The following NUP210 variants were observed in gnomAD, a reference collection of about 807,000 sequenced individuals.
The protein encoded by NUP210 is nucleoporin 210.
NUP210 carries 151 observed loss-of-function variants against 196.0 expected under a neutral mutation model. That is an observed-to-expected ratio of 0.77 (90% CI 0.67 to 0.88). NUP210 has a LOEUF of 0.88. Ranked by LOEUF, NUP210 falls within the 40% of genes least tolerant of loss-of-function variation. The pLI, the probability that NUP210 is intolerant of heterozygous loss-of-function variation, is 0.00. For missense variants in NUP210, 2,314 were observed against 2,493.7 expected (o/e 0.93, Z 1.53); for synonymous variants, 1,070 against 1,052.7 (o/e 1.02, Z -0.32).
At chr3:13,332,243 T>A (rs775215063) in intron 29 of NUP210, 50 bp downstream of exon 29, 2 of 1,469,494 alleles carry the variant, frequency 1.4e-6, no homozygotes, top group Non-Finnish European at 1.9e-6. Flanking sequence ...AGGTGTCGGA[T>A]GCAAGCACAG....
chr3:13,413,140 C>T (rs1273250610), intron 1 of NUP210, among the ~76,000 whole-genome samples: 2 of 151,834 alleles, frequency 1.3e-5, no homozygotes, highest in South Asian at 2.1e-4. Flanking sequence ...TGGCACATGC[C>T]GGTAGCCCCA....
At chr3:13,388,484 T>C (rs761126195) in intron 4 of NUP210, 31 bp from the exon 5 acceptor site, 14 of 1,577,004 alleles carry the variant, frequency 8.9e-6, no homozygotes, top group Non-Finnish European at 1.1e-5. Flanking sequence ...CAAAGTTTGT[T>C]GATCAAACCC....
At chr3:13,322,066 T>C in intron 35 of NUP210, 127 bp downstream of exon 35, 1 of 1,272,964 alleles carries the variant, frequency 7.9e-7, no homozygotes, top group Non-Finnish European at 1.1e-6. Context: ...ATCCCCAGGC[T>C]GGGCTCCTGA....
At chr3:13,349,312 G>A (rs1697883548) in intron 20 of NUP210, among the ~76,000 whole-genome samples, 1 of 152,186 alleles carries the variant, frequency 6.6e-6, no homozygotes, top group Non-Finnish European at 1.5e-5. Context: ...CCTAGGAGGG[G>A]CAGGATGTCA....
intron 1 of NUP210, among the ~76,000 whole-genome samples, chr3:13,401,425 G>A (rs1389040245): frequency 6.6e-6 from 1 of 152,134 alleles, no homozygotes; most frequent in East Asian, 1.9e-4. Flanking sequence ...ACAATGGGCT[G>A]CGGCAGGAGG....
chr3:13,401,259 C>CAAAAAAAAAAAAAAAA (rs71066952), intron 1 of NUP210, among the ~76,000 whole-genome samples: 3,903 of 43,610 alleles, frequency 0.089, 907 homozygotes, highest in Middle Eastern at 0.12. Flanking sequence ...GACTCTGGCT[C>CAAAAAAAAAAAAAAAA]AAAAAAAAAA....
At chr3:13,362,857 G>C (rs1386129989) in intron 14 of NUP210, among the ~76,000 whole-genome samples, 1 of 152,106 alleles carries the variant, frequency 6.6e-6, no homozygotes, top group Non-Finnish European at 1.5e-5. Context: ...GCCTCTGCCT[G>C]AGCGTCACCT....
intron 6 of NUP210, among the ~76,000 whole-genome samples, chr3:13,380,433 T>C (rs1236410821): frequency 6.6e-6 from 1 of 152,152 alleles, no homozygotes; most frequent in African/African-American, 2.4e-5. Context: ...TCAATAGCCC[T>C]GGGAACACGC....
In NUP210 at chr3:13,360,438, C is replaced by T; in HGVS notation, c.1986G>A (p.Met662Ile). 6.2e-7 allele frequency: 1 copy of T among 1,613,772 alleles called. No homozygotes were observed. The highest frequency in any genetic ancestry group is 8.5e-7 in the Non-Finnish European group (1 of 1,179,892). ...AAGGTCTGGGACCTCCTTCAAACAGCATCTCCTTTGAGGAGCCCAGGGTTA... is the reference window on the plus strand; with the variant it reads ...AAGGTCTGGGACCTCCTTCAAACAGTATCTCCTTTGAGGAGCCCAGGGTTA... ...ALVTLGSSKE[M>I]LFEGGPRPWI... Residue 662 changes from methionine (M) to isoleucine (I), a missense_variant, in exon 15 of 40, where the codon ATG (methionine) becomes ATA (isoleucine). Met to Ile is a conservative substitution (Grantham distance 10). Coordinates refer to ENST00000254508, the MANE Select transcript of NUP210 (RefSeq NM_024923.4).
rs147038229 is a variant in NUP210 at position 13,336,863 on chromosome 3, T to C, written c.3608A>G (p.Asn1203Ser). Reference sequence around the variant, plus strand: ...GTGGAAGGTCAGGCCTGGCACGGCATTGCCAAAGGAGAAAGGGTTCTGGTG... The same window carrying C: ...GTGGAAGGTCAGGCCTGGCACGGCACTGCCAAAGGAGAAAGGGTTCTGGTG... The part of the protein sequence containing the change: ...TNHQNPFSFG[N>S]AVPGLTFHWS... The change falls in exon 27 of 40, where the codon AAT becomes AGT. Residue 1203 changes from asparagine to serine, a missense_variant. Asn to Ser is a conservative substitution (Grantham distance 46). Transcript: ENST00000254508. 3.5e-5 allele frequency: 57 copies of C among 1,613,866 alleles called. No homozygotes were observed. Among genetic ancestry groups the C allele is most frequent in the South Asian group, 4.4e-5 (4 of 91,064 alleles).
In NUP210 at chr3:13,319,938, C is replaced by T; in HGVS notation, c.5208G>A (p.Glu1736=). ...TGAAGCTGGGCCACCCAAAAGACTT[C>T]TCCTTTGCGAATGCCAGCACGGCCG... is the stretch of plus-strand genomic sequence containing the variant. The part of the protein sequence containing the change: ...GSPAVLAFAK[E]KSFGWPSFIT... The change falls in exon 37 of 40, where the codon GAG becomes GAA. Residue 1736 remains glutamate, a synonymous_variant. Coordinates refer to ENST00000254508, the MANE Select transcript of NUP210 (RefSeq NM_024923.4). 1 of 1,614,160 alleles carries T rather than the reference C, an allele frequency of 6.2e-7. No homozygotes were observed. The highest frequency in any genetic ancestry group is 8.5e-7 in the Non-Finnish European group (1 of 1,180,030).
At chr3:13,337,982 G>A (rs1576357897) in intron 25 of NUP210, 65 bp from the exon 26 acceptor site, 2 of 1,466,650 alleles carry the variant, frequency 1.4e-6, no homozygotes, top group East Asian at 2.3e-5. Flanking sequence ...TTCAGGAAGG[G>A]ACCCCTCAAG....
intron 31 of NUP210, among the ~76,000 whole-genome samples, chr3:13,328,004 C>T (rs1025856855): frequency 2.0e-5 from 3 of 152,194 alleles, no homozygotes; most frequent in Admixed American, 1.3e-4. Context: ...CGTGGGGTGA[C>T]AGTTTGGGTT....
intron 1 of NUP210, among the ~76,000 whole-genome samples, chr3:13,416,313 A>C (rs1700346910): frequency 6.6e-6 from 1 of 152,086 alleles, no homozygotes; most frequent in Admixed American, 6.5e-5. Flanking sequence ...GATGTTGTTC[A>C]CCAGGCAGGT....
Position 13,379,104 on chromosome 3 carries a change from A to C in NUP210, c.977-124T>G. The C allele has an allele frequency of 1.2e-6, 1 of 843,740 alleles. No homozygotes were observed. The allele number at this position is 843,740 out of a possible 1,614,324, so 52.3% of individuals were successfully genotyped here. A position where few individuals can be genotyped will look rare whatever the true frequency, so the allele number is the denominator to read the frequency against. ...ATGGAGAGAAGAAGAGGGGATGAAA[A>C]CTCCCCTGGCTTAGGCCACGTAGAG... is the stretch of plus-strand genomic sequence containing the variant. On this transcript the variant is annotated intron_variant, in intron 7 of 39. Coordinates refer to ENST00000254508, the MANE Select transcript of NUP210 (RefSeq NM_024923.4). The surrounding 1 kb of genome is among the most constrained non-coding windows in gnomAD (Gnocchi z 4.2).
chr3:13,356,506 G>A (rs560088766), intron 16 of NUP210, among the ~76,000 whole-genome samples: 5 of 152,284 alleles, frequency 3.3e-5, no homozygotes, highest in African/African-American at 1.2e-4. Context: ...AGCTGGGTGT[G>A]GTGGCGCATG....
chr3:13,338,628 G>C (rs1197165684), intron 25 of NUP210, among the ~76,000 whole-genome samples: 1 of 152,166 alleles, frequency 6.6e-6, no homozygotes, highest in Non-Finnish European at 1.5e-5. Flanking sequence ...CACGGCCTTG[G>C]GGTGCTGGTT....
intron 1 of NUP210, among the ~76,000 whole-genome samples, chr3:13,407,690 C>T (rs7624018): frequency 0.22 from 33,656 of 151,824 alleles, 5,858 homozygotes; most frequent in African/African-American, 0.49. Flanking sequence ...TCACCAAACA[C>T]AGCAACTCTT....
At chr3:13,397,525 A>C in intron 2 of NUP210, 37 bp from the exon 3 acceptor site, 1 of 1,527,930 alleles carries the variant, frequency 6.5e-7, no homozygotes, top group Middle Eastern at 1.7e-4. Flanking sequence ...CACCAAAGAC[A>C]GTCCCCGCCC....
Sources: allele counts gnomAD v4.1 joint callset (sites outside exome capture counted in the v4.1 genomes callset), GRCh38; gene constraint gnomAD v4.1.1; non-coding constraint Gnocchi (gnomAD v3.1); transcripts MANE v1.5; gene names NCBI Gene and HGNC (gene_info 2026-07-23, HGNC 2026-07-21).